USH2A: variants seen among roughly 807,000 people sequenced by gnomAD.
USH2A encodes the protein usherin.
USH2A carries 443 observed loss-of-function variants against 538.9 expected under a neutral mutation model. The ratio of observed to expected loss-of-function variants is 0.82; its 90% CI spans 0.76 to 0.89. The LOEUF (loss-of-function observed/expected upper bound fraction) is 0.89. Among genes scored for constraint, USH2A ranks in the 40% least tolerant of loss-of-function variants. The pLI, the probability that USH2A is intolerant of heterozygous loss-of-function variation, is 0.00. For synonymous variants in USH2A, 2,413 were observed against 2,273.5 expected, an observed-to-expected ratio of 1.06 and a Z score of -1.75; for missense variants, 6,633 against 6,324.8, an observed-to-expected ratio of 1.05 and a Z score of -1.65.
chr1:216,235,363 G>A (rs771843231), intron 13 of USH2A, among the ~76,000 whole-genome samples: 14 of 152,058 alleles, frequency 9.2e-5, no homozygotes, highest in Non-Finnish European at 1.6e-4. Context: ...CTTAAGCATG[G>A]TCATTAGGAC....
chr1:216,324,551 G>T (rs551244952), intron 6 of USH2A, among the ~76,000 whole-genome samples, 199 bp from the exon 7 acceptor site: 7 of 152,122 alleles, frequency 4.6e-5, no homozygotes, highest in African/African-American at 1.4e-4. Context: ...CTGTTCATTT[G>T]CTCAAGGATT....
chr1:215,878,802 A>C lies in USH2A; in HGVS notation c.8520T>G (p.Ser2840=). Residue 2840 remains serine (S), a synonymous_variant, in exon 42 of 72, where the codon TCT becomes TCG. Coordinates refer to ENST00000307340, the MANE Select transcript of USH2A (RefSeq NM_206933.4). ...CATTTGGCTTGGATGGTGGTTGCCA[A>C]GAAATCACAACATATGATTCACTTA... ...IPLSESYVVI[S]WQPPSKPNGP... is the part of the protein sequence containing the mutation. The C allele has an allele frequency of 1.2e-6, 2 of 1,614,066 alleles. No homozygotes were observed. Among genetic ancestry groups the C allele is most frequent in the Non-Finnish European group, 8.5e-7 (1 of 1,179,950 alleles).
At chr1:215,751,401 T>A (rs1030763016) in intron 58 of USH2A, among the ~76,000 whole-genome samples, 1 of 152,096 alleles carries the variant, frequency 6.6e-6, no homozygotes, top group Non-Finnish European at 1.5e-5. Flanking sequence ...CCATCCTTAG[T>A]GAGAAAAAGT....
chr1:215,697,559 T>C (rs981025784), intron 61 of USH2A, among the ~76,000 whole-genome samples: 1 of 152,156 alleles, frequency 6.6e-6, no homozygotes, highest in African/African-American at 2.4e-5. Context: ...TTCGTTCTTG[T>C]TGACCTGGCT....
rs115312394 is a variant in USH2A at position 216,085,767 on chromosome 1, C to G, written c.4988-890G>C. 7.2e-3 allele frequency among the ~76,000 whole-genome samples: 1,094 copies of G among 151,114 alleles called. 10 individuals are homozygous for G. The highest frequency in any genetic ancestry group is 0.013 in the Non-Finnish European group (862 of 67,642). ...GTGTGTGTGTTTTAGAGGGACTTCT[C>G]TGTCAGTCTCAAGTAGTTGAATGAA... On this transcript the variant is annotated intron_variant, in intron 24 of 71. Transcript: ENST00000307340.
intron 21 of USH2A, among the ~76,000 whole-genome samples, chr1:216,119,996 A>G (rs1209785303): frequency 1.3e-5 from 2 of 151,698 alleles, no homozygotes; most frequent in Non-Finnish European, 2.9e-5. Flanking sequence ...GTTTTTTTTT[A>G]TTGAAAAAGA....
chr1:215,849,126 T>A (rs1408868941), intron 44 of USH2A, among the ~76,000 whole-genome samples: 1 of 152,126 alleles, frequency 6.6e-6, no homozygotes, highest in East Asian at 1.9e-4. Context: ...TAGAAAAACA[T>A]AAGTTACAAG....
chr1:216,310,402 G>A lies in USH2A; in HGVS notation c.1644+11481C>T, dbSNP rs181136900. ...ATACTTTTAAATTTTGGAATTTTTT[G>A]TTATTATTTTGTTGAATAAGATTTC... On this transcript the variant is annotated intron_variant, in intron 9 of 71. Transcript: ENST00000307340. Among the ~76,000 whole-genome samples, 67 of 151,912 alleles carry A rather than the reference G, an allele frequency of 4.4e-4. 1 individual carries two copies. Among genetic ancestry groups the A allele is most frequent in the Non-Finnish European group, 7.5e-4 (51 of 67,878 alleles).
At chr1:215,686,147 T>C (rs1022517099) in intron 61 of USH2A, among the ~76,000 whole-genome samples, 2 of 152,110 alleles carry the variant, frequency 1.3e-5, no homozygotes, top group African/African-American at 4.8e-5. Flanking sequence ...AAAGACTCTA[T>C]AAAATTGCAA....
At chr1:216,364,650 A>G (rs572967470) in intron 4 of USH2A, among the ~76,000 whole-genome samples, 23 of 152,310 alleles carry the variant, frequency 1.5e-4, no homozygotes, top group Admixed American at 1.3e-3. Flanking sequence ...GTTAGGAAGC[A>G]GCAAGTAAAG....
chr1:216,050,560 T>TTTTCTTTCTTTCTCTTTC (rs779228264), intron 30 of USH2A, among the ~76,000 whole-genome samples: 6 of 35,702 alleles, frequency 1.7e-4, no homozygotes, highest in African/African-American at 4.4e-4. Flanking sequence ...ATTTGTATCT[T>TTTTCTTTCTTTCTCTTTC]TTTCTTTCTT....
intron 21 of USH2A, among the ~76,000 whole-genome samples, chr1:216,145,061 G>T (rs2033669659): frequency 1.3e-5 from 2 of 152,154 alleles, no homozygotes; most frequent in South Asian, 4.2e-4. Flanking sequence ...CCTCTCTGCT[G>T]CTCTCTGCTC....
intron 9 of USH2A, among the ~76,000 whole-genome samples, chr1:216,320,985 T>C (rs929313581): frequency 9.9e-5 from 15 of 152,114 alleles, no homozygotes; most frequent in Non-Finnish European, 2.2e-4. Context: ...TGTTTGTATT[T>C]CATTTGCTTA....
intron 11 of USH2A, among the ~76,000 whole-genome samples, chr1:216,252,568 A>T (rs938920648): frequency 2.6e-5 from 4 of 152,256 alleles, no homozygotes; most frequent in Non-Finnish European, 4.4e-5. Flanking sequence ...ATAGAGACTC[A>T]CTGGAAGCTT....
At chr1:215,707,621 T>A (rs1314837192) in intron 61 of USH2A, among the ~76,000 whole-genome samples, 1 of 152,206 alleles carries the variant, frequency 6.6e-6, no homozygotes, top group Non-Finnish European at 1.5e-5. Context: ...TATTTAAAAC[T>A]CTCAGCAAAA....
chr1:215,680,106 T>G, intron 62 of USH2A, 43 bp downstream of exon 62: 1 of 1,596,966 alleles, frequency 6.3e-7, no homozygotes. Context: ...TCTATTTATC[T>G]GGAGAACACC....
At chr1:216,170,148 C>T (rs1208830354) in intron 21 of USH2A, among the ~76,000 whole-genome samples, 1 of 151,370 alleles carries the variant, frequency 6.6e-6, no homozygotes, top group East Asian at 1.9e-4. Flanking sequence ...CTTAAATGTC[C>T]CAATTCACTA....
chr1:216,182,017 T>C (rs993845788), intron 20 of USH2A, among the ~76,000 whole-genome samples: 2 of 152,096 alleles, frequency 1.3e-5, no homozygotes, highest in Admixed American at 6.6e-5. Flanking sequence ...CTCCAAATTC[T>C]CTAACTTCCA....
chr1:216,197,127 C>T (rs2034867934), intron 18 of USH2A, among the ~76,000 whole-genome samples: 1 of 152,100 alleles, frequency 6.6e-6, no homozygotes, highest in African/African-American at 2.4e-5. Context: ...GGAAATATGT[C>T]ATTGAGCCAA....
Sources: gnomAD v4.1 joint callset for allele counts (sites outside exome capture counted in the v4.1 genomes callset) on GRCh38, gnomAD v4.1.1 for gene constraint, MANE v1.5 for transcripts, NCBI Gene and HGNC (gene_info 2026-07-23, HGNC 2026-07-21) for gene names.